The following KAT5 variants were observed in gnomAD, a reference collection of about 807,000 sequenced individuals.
The protein encoded by KAT5 is histone acetyltransferase KAT5.
Under a neutral mutation model 68.1 loss-of-function variants are expected in KAT5, and 31 were observed. The observed-to-expected ratio is 0.46, with a 90% CI of 0.34 to 0.61. KAT5 has a LOEUF of 0.61. Ranked by LOEUF, KAT5 falls within the 20% of genes least tolerant of loss-of-function variation. The pLI is 0.01. For missense variants in KAT5, 451 were observed against 725.5 expected, an observed-to-expected ratio of 0.62 and a Z score of 4.35; for synonymous variants, 365 against 292.6, an observed-to-expected ratio of 1.25 and a Z score of -2.52.
chr11:65,718,251 C>A, intron 10 of KAT5: 1 of 235,600 alleles, frequency 4.2e-6, no homozygotes, highest in Non-Finnish European at 8.4e-6. Flanking sequence ...ACACAGAGCC[C>A]GGGATGGCAA....
Position 65,718,891 on chromosome 11 carries a change from C to T in KAT5, c.1443C>T (p.Thr481=), listed in dbSNP as rs1367987686. The T allele has an allele frequency of 6.2e-7, 1 of 1,614,034 alleles. No homozygotes were observed. The highest frequency in any genetic ancestry group is 1.3e-5 in the African/African-American group (1 of 74,930). Residue 481 remains threonine, a synonymous_variant, in exon 12 of 13, where the codon ACC becomes ACT. Transcript: ENST00000341318. ...CCCACAGTGAGATTAGTGAAATCAC[C>T]AGCATCAAGAAGGAGGATGTCATCT... ...QITINEISEI[T]SIKKEDVIST...
rs936796953 is a variant in KAT5, at chr11:65,714,998, A to C, written c.1029+88A>C. 6 of 1,129,520 alleles carry C rather than the reference A, an allele frequency of 5.3e-6. No individual in the cohort carries two copies. The African/African-American group carries it at 7.7e-5, about 14-fold the overall frequency. The allele number at this position is 1,129,520 out of a possible 1,614,324, so 70.0% of individuals were successfully genotyped here. ...GTAAACACTGACCAGTCAAGCCAGC[A>C]GATCAGTCCAGCCCATTTTTATTGA... On this transcript the variant is annotated intron_variant, in intron 8 of 12. Coordinates refer to ENST00000341318, the MANE Select transcript of KAT5 (RefSeq NM_182710.3).
In KAT5 at chr11:65,712,290, T is replaced by G; in HGVS notation, c.23T>G (p.Val8Gly). Residue 8 changes from valine to glycine, a missense_variant, in exon 1 of 13, where the codon GTG becomes GGG. Val to Gly is a moderately radical substitution (Grantham distance 109). Coordinates refer to ENST00000341318, the MANE Select transcript of KAT5 (RefSeq NM_182710.3). Reference sequence around the variant, plus strand: ...AAGATGGCGGAGGTGGTGAGTCCGGTGCCCGGGGCGGGGCGGAGGGAGCCA... The same window carrying G: ...AAGATGGCGGAGGTGGTGAGTCCGGGGCCCGGGGCGGGGCGGAGGGAGCCA... MAEVVSP[V>G]PGAGRREPGE... 1.4e-6 allele frequency: 2 copies of G among 1,441,660 alleles called. No individual in the cohort carries two copies. The highest frequency in any genetic ancestry group is 9.1e-7 in the Non-Finnish European group (1 of 1,099,090). 89.3% of individuals were successfully genotyped at this position (1,441,660 alleles called of 1,614,324 possible).
intron 4 of KAT5, 32 bp from the exon 5 acceptor site, chr11:65,713,561 T>C (rs1857098013): frequency 6.2e-7 from 1 of 1,613,998 alleles, no homozygotes; most frequent in African/African-American, 1.3e-5. Context: ...TTCTCTACCT[T>C]CTGACCCACC....
intron 10 of KAT5, chr11:65,718,073 C>A (rs1276549973): frequency 6.5e-6 from 1 of 154,204 alleles, no homozygotes; most frequent in East Asian, 1.9e-4. Context: ...TTAGGAAGCA[C>A]CTTGGTGCAC....
rs779419111 is a variant in KAT5 at position 65,712,339 on chromosome 11, C to T, written c.72C>T (p.Gly24=). Residue 24 remains glycine, a synonymous_variant, in exon 1 of 13, where the codon GGC becomes GGT. Coordinates refer to ENST00000341318, the MANE Select transcript of KAT5 (RefSeq NM_182710.3). The part of the protein sequence containing the change: ...REPGEVGRAR[G]PPVADPGVAL... ...CAGGGGAGGTGGGTAGAGCCCGAGG[C>T]CCCCCAGTAGCCGACCCTGGCGTCG... 12 of 1,518,954 alleles carry T rather than the reference C, an allele frequency of 7.9e-6. No homozygotes were observed. The highest frequency in any genetic ancestry group is 7.8e-5 in the South Asian group (6 of 77,080). 94.1% of individuals were successfully genotyped at this position (1,518,954 alleles called of 1,614,324 possible).
chr11:65,719,492 G>GC lies in KAT5; in HGVS notation c.*311_*312insC. The GC allele has an allele frequency of 1.6e-6, 1 of 609,890 alleles. No homozygotes were observed. The highest frequency in any genetic ancestry group is 2.9e-6 in the Non-Finnish European group (1 of 346,312). 37.8% of individuals were successfully genotyped at this position (609,890 alleles called of 1,614,324 possible). ...AGCTCTGTACAGAGGGCTGGTGATT[G>GC]TAAAAATTTCTTTTGTAAAGTAGAA... On this transcript the variant is annotated 3_prime_UTR_variant, in exon 13 of 13. Transcript: ENST00000341318.
Position 65,712,448 on chromosome 11 carries a change from G to A in KAT5, c.178+3G>A. 1 of 1,589,978 alleles carries A rather than the reference G, an allele frequency of 6.3e-7. No individual in the cohort carries two copies. The highest frequency in any genetic ancestry group is 8.5e-7 in the Non-Finnish European group (1 of 1,173,796). On this transcript the variant is annotated splice_donor_region_variant and intron_variant, in intron 1 of 12. Transcript: ENST00000341318. ...CCAGGACAACGAAGATGAGTGGCGT[G>A]AGTGACGTTGGGGGGCGGGACTAAG...
In KAT5 at chr11:65,718,971, G is replaced by A; in HGVS notation, c.1506+17G>A. On this transcript the variant is annotated intron_variant, in intron 12 of 12. Transcript: ENST00000341318. ...TACTACAAGGTAGGGAGGCAGGCAG[G>A]GGAGACAGGTGTGTGGGATGCAGAG... 1.2e-6 allele frequency: 2 copies of A among 1,614,072 alleles called. No individual in the cohort carries two copies. Among genetic ancestry groups the A allele is most frequent in the Non-Finnish European group, 1.7e-6 (2 of 1,179,968 alleles).
chr11:65,713,934 A>C, intron 6 of KAT5, 86 bp downstream of exon 6: 1 of 1,227,784 alleles, frequency 8.1e-7, no homozygotes, highest in Non-Finnish European at 1.2e-6. Flanking sequence ...TGAGTTTAAA[A>C]ATAAAGAAGG....
chr11:65,713,147 G>C (rs1007310897), intron 3 of KAT5, 89 bp downstream of exon 3: 2 of 1,525,684 alleles, frequency 1.3e-6, no homozygotes, highest in South Asian at 2.3e-5. Flanking sequence ...GGCAGGAGGC[G>C]GCTCCCTCTC....
At chr11:65,717,008 G>C in intron 10 of KAT5, 26 bp downstream of exon 10, 1 of 1,557,712 alleles carries the variant, frequency 6.4e-7, no homozygotes, top group South Asian at 1.1e-5. Context: ...GCGGCCAGGG[G>C]GTAGTGGACC....
Position 65,716,903 on chromosome 11 carries a change from G to C in KAT5, c.1185G>C (p.Thr395=). 1 of 1,614,102 alleles carries C rather than the reference G, an allele frequency of 6.2e-7. No homozygotes were observed. The highest frequency in any genetic ancestry group is 1.7e-4 in the Middle Eastern group (1 of 6,060). The change falls in exon 10 of 13, where the codon ACG becomes ACC. Residue 395 remains threonine (T), a synonymous_variant. Coordinates refer to ENST00000341318, the MANE Select transcript of KAT5 (RefSeq NM_182710.3). ...VGYFSKEKES[T]EDYNVACILT... is the part of the protein sequence containing the mutation. ...CCCTTCTCCAGGAGAAAGAATCAAC[G>C]GAAGACTACAATGTGGCCTGCATCC...
chr11:65,713,389 G>T lies in KAT5; in HGVS notation c.426G>T (p.Pro142=), dbSNP rs999894580. The change falls in exon 4 of 13, where the codon CCG becomes CCT. Residue 142 remains proline (P), a synonymous_variant. Coordinates refer to ENST00000341318, the MANE Select transcript of KAT5 (RefSeq NM_182710.3). ...AQASGKTLPI[P]VQITLRFNLP... is the part of the protein sequence containing the mutation. ...CCAGCGGGAAGACCTTGCCAATCCCGGTCCAGATCACACTCCGCTTCAACC... is the reference window on the plus strand; with the variant it reads ...CCAGCGGGAAGACCTTGCCAATCCCTGTCCAGATCACACTCCGCTTCAACC... 1 of 1,613,770 alleles carries T rather than the reference G, an allele frequency of 6.2e-7. No homozygotes were observed. Among genetic ancestry groups the T allele is most frequent in the East Asian group, 2.2e-5 (1 of 44,876 alleles).
In KAT5 at chr11:65,713,007, C is replaced by T. The variant is rs11541269; in HGVS notation, c.333C>T (p.Pro111=). Reference sequence around the variant, plus strand: ...TCCCCAAGAAAGAGGCCAAGACCCCCACTAAGAACGGACTTCCTGGGTCCC... The same window carrying T: ...TCCCCAAGAAAGAGGCCAAGACCCCTACTAAGAACGGACTTCCTGGGTCCC... ...IQFPKKEAKT[P]TKNGLPGSRP... Residue 111 remains proline, a synonymous_variant, in exon 3 of 13, where the codon CCC becomes CCT. Coordinates refer to ENST00000341318, the MANE Select transcript of KAT5 (RefSeq NM_182710.3). 1.2e-6 allele frequency: 2 copies of T among 1,613,910 alleles called. No individual in the cohort carries two copies. Among genetic ancestry groups the T allele is most frequent in the African/African-American group, 1.3e-5 (1 of 75,024 alleles).
In KAT5 at chr11:65,718,860, T is replaced by C; in HGVS notation, c.1425-13T>C. The C allele has an allele frequency of 6.2e-7, 1 of 1,614,104 alleles. No homozygotes were observed. Among genetic ancestry groups the C allele is most frequent in the African/African-American group, 1.3e-5 (1 of 75,056 alleles). On this transcript the variant is annotated splice_polypyrimidine_tract_variant and intron_variant, in intron 11 of 12. Coordinates refer to ENST00000341318, the MANE Select transcript of KAT5 (RefSeq NM_182710.3). ...AAAGGTCCTCAGGGAACCTGACCTG[T>C]GCTCTCCCACAGTGAGATTAGTGAA...
chr11:65,717,265 G>A (rs1857229881), intron 10 of KAT5: 2 of 536,346 alleles, frequency 3.7e-6, no homozygotes, highest in Non-Finnish European at 6.7e-6. Context: ...CTGGAGCCAT[G>A]GGCAGAAGGT....
At chr11:65,716,626 G>GGCGGGATAC (rs758947304) in intron 8 of KAT5, 41 bp from the exon 9 acceptor site, 79 of 1,601,610 alleles carry the variant, frequency 4.9e-5, no homozygotes, top group Non-Finnish European at 8.5e-6. Flanking sequence ...CCAGGCTCAA[G>GGCGGGATAC]GCGGGATACC....
chr11:65,712,592 C>T (rs1857057882), intron 1 of KAT5, 147 bp downstream of exon 1: 4 of 1,215,604 alleles, frequency 3.3e-6, no homozygotes, highest in Middle Eastern at 1.9e-4. Context: ...TTAGCTGCTC[C>T]GAGAGGTACA....
Sources: gnomAD v4.1 joint callset for allele counts on GRCh38, gnomAD v4.1.1 for gene constraint, MANE v1.5 for transcripts, NCBI Gene and HGNC (gene_info 2026-07-23, HGNC 2026-07-21) for gene names.